The following IGFBPL1 variants were observed in gnomAD, a reference collection of about 807,000 sequenced individuals.
The protein encoded by IGFBPL1 is insulin like growth factor binding protein like 1.
A neutral mutation model predicts 23.9 loss-of-function variants in IGFBPL1; 20 were observed. The observed-to-expected ratio is 0.84, with a 90% CI of 0.59 to 1.22. The LOEUF is 1.22. Ranked by LOEUF, IGFBPL1 falls within the 50% of genes most tolerant of loss-of-function variation. The pLI, the probability that IGFBPL1 is intolerant of heterozygous loss-of-function variation, is 0.00. For missense variants in IGFBPL1, 436 were observed against 379.3 expected, an observed-to-expected ratio of 1.15 and a Z score of -1.24; for synonymous variants, 184 against 171.8, an observed-to-expected ratio of 1.07 and a Z score of -0.56.
At chr9:38,414,372 G>A (rs1223327491) in intron 1 of IGFBPL1, among the ~76,000 whole-genome samples, 169 bp from the exon 2 acceptor site, 1 of 152,198 alleles carries the variant, frequency 6.6e-6, no homozygotes, top group African/African-American at 2.4e-5. Context: ...GACCTGGAAA[G>A]CTGCCGACCG....
At chr9:38,421,424 G>T (rs1821677187) in intron 1 of IGFBPL1, among the ~76,000 whole-genome samples, 1 of 152,100 alleles carries the variant, frequency 6.6e-6, no homozygotes, top group Non-Finnish European at 1.5e-5. Context: ...GGGCATAGGA[G>T]GAAAGGGCAG....
At chr9:38,412,747 C>T (rs1821531663) in intron 3 of IGFBPL1, among the ~76,000 whole-genome samples, 1 of 152,178 alleles carries the variant, frequency 6.6e-6, no homozygotes, top group Admixed American at 6.5e-5. Context: ...TCTCCAGTTC[C>T]TAGTGGATGC....
In IGFBPL1 at chr9:38,407,755, G is replaced by A. The variant is rs1239864488; in HGVS notation, c.*1472C>T. Among the ~76,000 whole-genome samples, 1 of 152,182 alleles carries A rather than the reference G, an allele frequency of 6.6e-6. No individual in the cohort carries two copies. The highest frequency in any genetic ancestry group is 1.5e-5 in the Non-Finnish European group (1 of 68,044). The stretch of plus-strand genomic sequence containing the variant: ...TGGGCAAGTAGCTTCTCCTCTCAGA[G>A]CCTGGTTTCTTCATCTGCTAAAGGC... On this transcript the variant is annotated 3_prime_UTR_variant, in exon 5 of 5. Coordinates refer to ENST00000377694, the MANE Select transcript of IGFBPL1 (RefSeq NM_001007563.3).
Position 38,424,005 on chromosome 9 carries a change from G to C in IGFBPL1, c.420C>G (p.Pro140=), listed in dbSNP as rs867763908. 5.0e-6 allele frequency: 7 copies of C among 1,410,808 alleles called. No individual in the cohort carries two copies. Among genetic ancestry groups the C allele is most frequent in the Non-Finnish European group, 6.4e-6 (7 of 1,092,672 alleles). The allele number at this position is 1,410,808 out of a possible 1,614,324, so 87.4% of individuals were successfully genotyped here. The change falls in exon 1 of 5, where the codon CCC becomes CCG. Residue 140 remains proline, a synonymous_variant. Coordinates refer to ENST00000377694, the MANE Select transcript of IGFBPL1 (RefSeq NM_001007563.3). ...LRARHTPRAH[P]GHLHKARDGP... ...CGTCGCGCGCCTTGTGCAGGTGACC[G>C]GGGTGCGCGCGGGGCGTGTGCCGAG...
chr9:38,420,093 G>A (rs535169601), intron 1 of IGFBPL1, among the ~76,000 whole-genome samples: 30 of 152,190 alleles, frequency 2.0e-4, no homozygotes, highest in Non-Finnish European at 3.2e-4. Context: ...ATCTTGCTGC[G>A]TTGCCCAGGC....
rs1211281778 is a variant in IGFBPL1, at chr9:38,414,196, C to T, written c.468G>A (p.Val156=). 1.3e-6 allele frequency: 2 copies of T among 1,598,270 alleles called. No individual in the cohort carries two copies. Among genetic ancestry groups the T allele is most frequent in the South Asian group, 2.3e-5 (2 of 87,898 alleles). The change falls in exon 2 of 5, where the codon GTG becomes GTA. Residue 156 remains valine, a synonymous_variant. Coordinates refer to ENST00000377694, the MANE Select transcript of IGFBPL1 (RefSeq NM_001007563.3). Reference sequence around the variant, plus strand: ...GAACACTTCGGGGAGGAACGACGACCACAGGAGCTAGGAGGAGGAGACAAG... The same window carrying T: ...GAACACTTCGGGGAGGAACGACGACTACAGGAGCTAGGAGGAGGAGACAAG... ...ARDGPCEFAP[V]VVVPPRSVHN... is the part of the protein sequence containing the mutation.
intron 1 of IGFBPL1, among the ~76,000 whole-genome samples, chr9:38,419,480 T>G (rs1821643812): frequency 6.6e-6 from 1 of 152,136 alleles, no homozygotes; most frequent in Non-Finnish European, 1.5e-5. Context: ...AGACCTAGGT[T>G]TCTAAGTGGA....
rs891906632 is a variant in IGFBPL1 at position 38,424,444 on chromosome 9, G to A, written c.-20C>T. 7.7e-6 allele frequency: 4 copies of A among 521,756 alleles called. No individual in the cohort carries two copies. The highest frequency in any genetic ancestry group is 2.3e-5 in the South Asian group (1 of 43,464). 32.3% of individuals were successfully genotyped at this position (521,756 alleles called of 1,614,324 possible). ...CGGCATGGCTTGCTCCGGGACAGCG[G>A]CGGCGCCTCTGCTTCGCGCTCCGCT... On this transcript the variant is annotated 5_prime_UTR_variant, in exon 1 of 5. Coordinates refer to ENST00000377694, the MANE Select transcript of IGFBPL1 (RefSeq NM_001007563.3).
Position 38,413,300 on chromosome 9 carries a change from A to AT in IGFBPL1, c.623dup (p.His208GlnfsTer14), listed in dbSNP as rs779068522. On this transcript the variant is annotated frameshift_variant, in exon 3 of 5. Transcript: ENST00000377694. LOFTEE classifies it high-confidence loss of function. ...CTCGCACTTGGACAGCTATATTGACATGGTCCCCAGGCAGCTCCTCCAGTG... is the reference window on the plus strand; with the variant it reads ...CTCGCACTTGGACAGCTATATTGACATTGGTCCCCAGGCAGCTCCTCCAGTG... 6.2e-7 allele frequency: 1 copy of AT among 1,614,092 alleles called. No homozygotes were observed. Among genetic ancestry groups the AT allele is most frequent in the Non-Finnish European group, 8.5e-7 (1 of 1,179,994 alleles).
chr9:38,424,011 C>G lies in IGFBPL1; in HGVS notation c.414G>C (p.Ala138=). Residue 138 remains alanine, a synonymous_variant, in exon 1 of 5, where the codon GCG becomes GCC. Coordinates refer to ENST00000377694, the MANE Select transcript of IGFBPL1 (RefSeq NM_001007563.3). ...GCGCCTTGTGCAGGTGACCGGGGTG[C>G]GCGCGGGGCGTGTGCCGAGCGCGCA... ...LRLRARHTPR[A]HPGHLHKARD... is the part of the protein sequence containing the mutation. 7.1e-7 allele frequency: 1 copy of G among 1,407,730 alleles called. No individual in the cohort carries two copies. Among genetic ancestry groups the G allele is most frequent in the Non-Finnish European group, 9.2e-7 (1 of 1,091,022 alleles). The allele number at this position is 1,407,730 out of a possible 1,614,324, so 87.2% of individuals were successfully genotyped here.
At chr9:38,420,058 T>C (rs1821658555) in intron 1 of IGFBPL1, among the ~76,000 whole-genome samples, 2 of 152,206 alleles carry the variant, frequency 1.3e-5, no homozygotes, top group South Asian at 2.1e-4. Context: ...TCCAGCTAGT[T>C]TTTAGAATTT....
intron 1 of IGFBPL1, among the ~76,000 whole-genome samples, chr9:38,416,006 G>A (rs1821595326): frequency 6.6e-6 from 1 of 152,148 alleles, no homozygotes; most frequent in Non-Finnish European, 1.5e-5. Flanking sequence ...GATGTCTAAC[G>A]TTGCCTGACA....
chr9:38,408,253 CAAAAA>C lies in IGFBPL1; in HGVS notation c.*969_*973del, dbSNP rs35229194. Reference sequence around the variant, plus strand: ...GCAACATAGGGAGACCCTGTCTCTACAAAAAAAAAAAAAAAAAAAAAAAAAATAGC... The same window carrying C: ...GCAACATAGGGAGACCCTGTCTCTACAAAAAAAAAAAAAAAAAAAAATAGC... On this transcript the variant is annotated 3_prime_UTR_variant, in exon 5 of 5. Transcript: ENST00000377694. Among the ~76,000 whole-genome samples, 5 of 70,198 alleles carry C rather than the reference CAAAAA, an allele frequency of 7.1e-5. No homozygotes were observed. The highest frequency in any genetic ancestry group is 2.3e-4 in the African/African-American group (4 of 17,186). The allele number at this position is 70,198 out of a possible 152,430, so 46.1% of individuals were successfully genotyped here.
At chr9:38,415,820 T>C (rs1205224497) in intron 1 of IGFBPL1, among the ~76,000 whole-genome samples, 1 of 152,066 alleles carries the variant, frequency 6.6e-6, no homozygotes. Context: ...CCCCTGGGTG[T>C]CCCAGCAGCC....
In IGFBPL1 at chr9:38,406,779, A is replaced by G. The variant is rs1048463201; in HGVS notation, c.*2448T>C. Among the ~76,000 whole-genome samples, 1 of 99,698 alleles carries G rather than the reference A, an allele frequency of 1.0e-5. No individual in the cohort carries two copies. Among genetic ancestry groups the G allele is most frequent in the Non-Finnish European group, 2.2e-5 (1 of 46,084 alleles). The allele number at this position is 99,698 out of a possible 152,430, so 65.4% of individuals were successfully genotyped here. ...TTTGGTTTTGGTGAAAATTTCAGAC[A>G]GTGTGACATTAATTATTTGTCTTTG... On this transcript the variant is annotated 3_prime_UTR_variant, in exon 5 of 5. Transcript: ENST00000377694.
chr9:38,411,014 G>A (rs1355946119), intron 4 of IGFBPL1, among the ~76,000 whole-genome samples: 1 of 152,222 alleles, frequency 6.6e-6, no homozygotes, highest in African/African-American at 2.4e-5. Flanking sequence ...AGGAAGCTCA[G>A]GCATCTTCTT....
chr9:38,416,201 G>T (rs916030201), intron 1 of IGFBPL1, among the ~76,000 whole-genome samples: 1 of 152,206 alleles, frequency 6.6e-6, no homozygotes, highest in Non-Finnish European at 1.5e-5. Context: ...GAAAGACCTG[G>T]ATACCAAGGG....
intron 1 of IGFBPL1, among the ~76,000 whole-genome samples, chr9:38,417,460 C>T (rs931604521): frequency 9.2e-5 from 14 of 152,224 alleles, no homozygotes; most frequent in African/African-American, 3.4e-4. Flanking sequence ...TGATTCCATT[C>T]ACTCCCACAC....
chr9:38,414,236 ACC>A, intron 1 of IGFBPL1, 33 bp from the exon 2 acceptor site: 1 of 1,387,180 alleles, frequency 7.2e-7, no homozygotes. Context: ...CGCAGCCTTT[ACC>A]CTGCAGGGTT....
Sources: gnomAD v4.1 joint callset for allele counts (sites outside exome capture counted in the v4.1 genomes callset) on GRCh38, gnomAD v4.1.1 for gene constraint, MANE v1.5 for transcripts, NCBI Gene and HGNC (gene_info 2026-07-23, HGNC 2026-07-21) for gene names.